Variants in COL4A2 observed in about 807,000 individuals in gnomAD.
The protein encoded by COL4A2 is collagen type IV alpha 2 chain.
Under a neutral mutation model 200.2 loss-of-function variants are expected in COL4A2, and 99 were observed. That is an observed-to-expected ratio of 0.49 (90% CI 0.42 to 0.58). COL4A2 has a LOEUF of 0.58. Among genes scored for constraint, COL4A2 ranks in the 20% least tolerant of loss-of-function variants. The pLI is 0.00. For synonymous variants in COL4A2, 897 were observed against 900.6 expected (o/e 1.00, Z 0.07); for missense variants, 1,950 against 2,314.1 (o/e 0.84, Z 3.23).
At chr13:110,473,478 G>A (rs1220916375) in intron 29 of COL4A2, 2 of 295,714 alleles carry the variant, frequency 6.8e-6, no homozygotes, top group South Asian at 1.2e-4. Context: ...ATCTGTACAG[G>A]TGGTATGAAG....
In COL4A2 at chr13:110,450,183, C is replaced by T. The variant is rs115757323; in HGVS notation, c.1190-122C>T. The T allele has an allele frequency of 3.4e-3, 2,587 of 761,954 alleles. 41 individuals carry two copies. The African/African-American group carries it at 0.036, about 10-fold the overall frequency. 47.2% of individuals were successfully genotyped at this position (761,954 alleles called of 1,614,324 possible). On this transcript the variant is annotated intron_variant, in intron 19 of 47. Transcript: ENST00000360467. Reference sequence around the variant, plus strand: ...AACTATACCAATGGCTTCTACCCATCGGAGTTATTGACGGGGCCATGAAGC... The same window carrying T: ...AACTATACCAATGGCTTCTACCCATTGGAGTTATTGACGGGGCCATGAAGC...
chr13:110,438,810 C>CA lies in COL4A2; in HGVS notation c.912+142_912+143insA, dbSNP rs1555328887. On this transcript the variant is annotated intron_variant, in intron 15 of 47. Coordinates refer to ENST00000360467, the MANE Select transcript of COL4A2 (RefSeq NM_001846.4). ...TCCCGTTATTACTCCCCACCCCCCCCCACACACACACACAGCAGCCCCCCA... is the reference window on the plus strand; with the variant it reads ...TCCCGTTATTACTCCCCACCCCCCCCACACACACACACACAGCAGCCCCCCA... 889 of 651,382 alleles carry CA rather than the reference C, an allele frequency of 1.4e-3. 22 individuals carry two copies. Among genetic ancestry groups the CA allele is most frequent in the African/African-American group, 9.9e-3 (460 of 46,690 alleles). The allele number at this position is 651,382 out of a possible 1,614,324, so 40.4% of individuals were successfully genotyped here.
intron 4 of COL4A2, among the ~76,000 whole-genome samples, chr13:110,375,427 C>T (rs1380732565): frequency 2.0e-5 from 3 of 152,172 alleles, no homozygotes. Context: ...CAGAAAATGC[C>T]AGTCAGTTGG....
intron 4 of COL4A2, among the ~76,000 whole-genome samples, chr13:110,385,046 C>G (rs775365379): frequency 2.0e-5 from 3 of 152,154 alleles, no homozygotes; most frequent in Admixed American, 6.5e-5. Flanking sequence ...AGGCGGATCA[C>G]GAGGTCAGGA....
chr13:110,439,718 C>A, intron 15 of COL4A2, 71 bp from the exon 16 acceptor site: 1 of 1,608,248 alleles, frequency 6.2e-7, no homozygotes, highest in South Asian at 1.1e-5. Context: ...AGCCAGGTGC[C>A]GTAGTCAAGC....
At chr13:110,389,639 G>A (rs1320572832) in intron 4 of COL4A2, among the ~76,000 whole-genome samples, 1 of 152,188 alleles carries the variant, frequency 6.6e-6, no homozygotes, top group Non-Finnish European at 1.5e-5. Context: ...TGTAGGCTGT[G>A]CTCCTCTGTG....
At chr13:110,375,139 A>C (rs1334952968) in intron 4 of COL4A2, among the ~76,000 whole-genome samples, 1 of 152,222 alleles carries the variant, frequency 6.6e-6, no homozygotes, top group African/African-American at 2.4e-5. Context: ...CTCGCCATTC[A>C]GGTGTGAGGA....
intron 3 of COL4A2, among the ~76,000 whole-genome samples, chr13:110,322,172 A>G (rs74126233): frequency 0.094 from 14,303 of 152,198 alleles, 2,201 homozygotes; most frequent in African/African-American, 0.32. Flanking sequence ...GCGATGTGAG[A>G]CCCAGCTCCA....
chr13:110,505,082 G>C lies in COL4A2; in HGVS notation c.4402+818G>C, dbSNP rs1055975124. ...ATTAAACATAGGGGCCGGGCGCGGTGGCTCACGCCTGTAATCCCAGCACTT... is the reference window on the plus strand; with the variant it reads ...ATTAAACATAGGGGCCGGGCGCGGTCGCTCACGCCTGTAATCCCAGCACTT... On this transcript the variant is annotated intron_variant, in intron 45 of 47. Transcript: ENST00000360467. Among the ~76,000 whole-genome samples, 10 of 152,076 alleles carry C rather than the reference G, an allele frequency of 6.6e-5. No individual in the cohort carries two copies. In the East Asian group the frequency reaches 1.6e-3, roughly 24 times the overall value.
At chr13:110,365,660 T>A (rs1342343602) in intron 4 of COL4A2, among the ~76,000 whole-genome samples, 1 of 152,162 alleles carries the variant, frequency 6.6e-6, no homozygotes, top group Non-Finnish European at 1.5e-5. Flanking sequence ...CTCCACGCAA[T>A]GGCCTTGGCT....
chr13:110,363,548 C>A (rs972253848), intron 4 of COL4A2, among the ~76,000 whole-genome samples: 6 of 152,102 alleles, frequency 3.9e-5, no homozygotes, highest in East Asian at 3.9e-4. Context: ...CAAGAAAATT[C>A]TTTGTCTTTG....
chr13:110,368,874 A>G (rs897081821), intron 4 of COL4A2, among the ~76,000 whole-genome samples: 1 of 150,956 alleles, frequency 6.6e-6, no homozygotes. Context: ...GAGCTCAATA[A>G]TAGCATTAGG....
intron 4 of COL4A2, among the ~76,000 whole-genome samples, chr13:110,369,383 T>C (rs1877902123): frequency 6.6e-6 from 1 of 152,172 alleles, no homozygotes; most frequent in Non-Finnish European, 1.5e-5. Flanking sequence ...TTCAGATTTT[T>C]CAGTTTAGGG....
At chr13:110,466,739 C>T (rs1219072284) in intron 26 of COL4A2, among the ~76,000 whole-genome samples, 1 of 152,236 alleles carries the variant, frequency 6.6e-6, no homozygotes, top group East Asian at 1.9e-4. Flanking sequence ...CAGATTAACT[C>T]GGTTTGCACC....
intron 40 of COL4A2, among the ~76,000 whole-genome samples, chr13:110,496,241 A>T (rs1488877972): frequency 6.6e-6 from 1 of 152,210 alleles, no homozygotes; most frequent in Non-Finnish European, 1.5e-5. Context: ...AGAACCAGAC[A>T]TCCACAGGAG....
intron 15 of COL4A2, 64 bp downstream of exon 15, chr13:110,438,732 T>A (rs1165170441): frequency 6.2e-7 from 1 of 1,602,800 alleles, no homozygotes; most frequent in Admixed American, 1.7e-5. Flanking sequence ...TAGGCTTTCC[T>A]TTTTAGAGCT....
intron 18 of COL4A2, among the ~76,000 whole-genome samples, chr13:110,447,897 G>T (rs897350694): frequency 1.3e-5 from 2 of 152,178 alleles, no homozygotes; most frequent in East Asian, 1.9e-4. Flanking sequence ...TCCCTGCTTC[G>T]AAGCGAGCCC....
At chr13:110,500,789 C>G (rs954080116) in intron 40 of COL4A2, among the ~76,000 whole-genome samples, 7 of 152,196 alleles carry the variant, frequency 4.6e-5, no homozygotes, top group Admixed American at 2.0e-4. Context: ...ATTGCTGATT[C>G]AGGAACAGTC....
intron 3 of COL4A2, among the ~76,000 whole-genome samples, chr13:110,346,225 T>A (rs959867600): frequency 7.2e-5 from 11 of 152,224 alleles, no homozygotes; most frequent in Non-Finnish European, 1.5e-4. Context: ...GTTTCCTGCG[T>A]AACTCAAAGC....
Sources: gnomAD v4.1 joint callset for allele counts (sites outside exome capture counted in the v4.1 genomes callset) on GRCh38, gnomAD v4.1.1 for gene constraint, MANE v1.5 for transcripts, NCBI Gene and HGNC (gene_info 2026-07-23, HGNC 2026-07-21) for gene names.